The following FMN1 variants were observed in gnomAD, a reference collection of about 807,000 sequenced individuals.
FMN1 encodes formin-1.
FMN1 carries 110 observed loss-of-function variants against 132.4 expected under a neutral mutation model. That is an observed-to-expected ratio of 0.83 (90% CI 0.71 to 0.97). The LOEUF (loss-of-function observed/expected upper bound fraction) is 0.97. FMN1 is among the 50% of genes least tolerant of loss of function. The pLI is 0.00. For synonymous variants in FMN1, 722 were observed against 651.7 expected, an observed-to-expected ratio of 1.11 and a Z score of -1.64; for missense variants, 1,792 against 1,705.3, an observed-to-expected ratio of 1.05 and a Z score of -0.90.
At chr15:33,189,915 C>G (rs1966016482) in intron 2 of FMN1, among the ~76,000 whole-genome samples, 1 of 152,178 alleles carries the variant, frequency 6.6e-6, no homozygotes. Context: ...CATGGACTCC[C>G]TGGTGTAACG....
intron 4 of FMN1, chr15:33,150,817 A>G (rs993084767): frequency 1.0e-6 from 1 of 987,416 alleles, no homozygotes; most frequent in African/African-American, 1.7e-5. Flanking sequence ...TCCACAGACC[A>G]TAAACTTAAT....
intron 6 of FMN1, among the ~76,000 whole-genome samples, chr15:33,039,060 C>T (rs8037589): frequency 0.18 from 28,131 of 152,086 alleles, 2,786 homozygotes; most frequent in Middle Eastern, 0.24. Context: ...CTGAGAAAAA[C>T]TGAATTGGGG....
chr15:32,952,500 C>A (rs2061675714), intron 9 of FMN1, among the ~76,000 whole-genome samples: 1 of 152,152 alleles, frequency 6.6e-6, no homozygotes. Context: ...GCAAACCACA[C>A]CCAAGGTGAA....
chr15:32,773,110 G>A lies in FMN1; in HGVS notation c.*1200C>T, dbSNP rs1258732. The A allele has an allele frequency of 0.19, 29,239 of 152,190 alleles. 3,157 individuals are homozygous for A. The highest frequency in any genetic ancestry group is 0.25 in the Non-Finnish European group (17,045 of 67,996). 9.4% of individuals were successfully genotyped at this position (152,190 alleles called of 1,614,324 possible). Reference sequence around the variant, plus strand: ...GGCTTAAAGACAAAAGTGTCAGAGAGGTCAAAGGTGGTTTCCTTATGTGAC... The same window carrying A: ...GGCTTAAAGACAAAAGTGTCAGAGAAGTCAAAGGTGGTTTCCTTATGTGAC... On this transcript the variant is annotated 3_prime_UTR_variant, in exon 21 of 21. Coordinates refer to ENST00000616417, the MANE Select transcript of FMN1 (RefSeq NM_001277313.2).
intron 5 of FMN1, among the ~76,000 whole-genome samples, chr15:33,073,732 G>T (rs78677188): frequency 5.9e-4 from 65 of 109,864 alleles, no homozygotes; most frequent in East Asian, 2.8e-3. Flanking sequence ...TACCTAGCTT[G>T]TTTTTTTTTT....
rs146742347 is a variant in FMN1, at chr15:32,803,574, C to T, written c.3980+707G>A. 3.8e-3 allele frequency among the ~76,000 whole-genome samples: 584 copies of T among 152,206 alleles called. 1 individual carries two copies. Among genetic ancestry groups the T allele is most frequent in the Middle Eastern group, 0.02 (6 of 294 alleles). On this transcript the variant is annotated intron_variant, in intron 18 of 20. Coordinates refer to ENST00000616417, the MANE Select transcript of FMN1 (RefSeq NM_001277313.2). ...CAACTTCTGGGGGAAATTGTCCATA[C>T]GCTGTATGGGCATATGGACAGCCCC...
Position 32,959,818 on chromosome 15 carries a change from G to C in FMN1, c.3138+4289C>G, listed in dbSNP as rs546480585. On this transcript the variant is annotated intron_variant, in intron 9 of 20. Coordinates refer to ENST00000616417, the MANE Select transcript of FMN1 (RefSeq NM_001277313.2). ...CCAAAACAGAAGTGAATAGTTCTAT[G>C]AGTAAACAACATGTTTTCAAGCATC... Among the ~76,000 whole-genome samples, 11 of 152,292 alleles carry C rather than the reference G, an allele frequency of 7.2e-5. No homozygotes were observed. The South Asian group carries it at 2.3e-3, about 32-fold the overall frequency.
intron 5 of FMN1, among the ~76,000 whole-genome samples, chr15:33,068,637 T>C (rs962158502): frequency 6.6e-6 from 1 of 152,022 alleles, no homozygotes; most frequent in South Asian, 2.1e-4. Flanking sequence ...AAGCTTTTTT[T>C]AAGTGCTTTC....
intron 6 of FMN1, among the ~76,000 whole-genome samples, chr15:33,052,737 T>C (rs1237563934): frequency 6.6e-6 from 1 of 152,246 alleles, no homozygotes; most frequent in Admixed American, 6.5e-5. Context: ...AGTTAAATCC[T>C]TGGACCAGAC....
chr15:32,965,223 C>A (rs954627036), intron 8 of FMN1, among the ~76,000 whole-genome samples: 2 of 151,970 alleles, frequency 1.3e-5, no homozygotes, highest in Non-Finnish European at 2.9e-5. Context: ...CATGGTGAAA[C>A]CCCATCTCTA....
chr15:32,966,625 T>C (rs2031259022), intron 8 of FMN1, among the ~76,000 whole-genome samples: 1 of 151,930 alleles, frequency 6.6e-6, no homozygotes, highest in Non-Finnish European at 1.5e-5. Flanking sequence ...AGGCAAAACG[T>C]CAAAAGAAAA....
intron 9 of FMN1, among the ~76,000 whole-genome samples, chr15:32,944,896 G>T (rs2061476706): frequency 6.6e-6 from 1 of 152,068 alleles, no homozygotes; most frequent in Non-Finnish European, 1.5e-5. Flanking sequence ...AGTCTTGCGG[G>T]AAGAAAAGAC....
rs199751112 is a variant in FMN1 at position 32,949,964 on chromosome 15, T to TAC, written c.3138+14141_3138+14142dup. On this transcript the variant is annotated intron_variant, in intron 9 of 20. Coordinates refer to ENST00000616417, the MANE Select transcript of FMN1 (RefSeq NM_001277313.2). ...GCATATATATATATATATATATATA[T>TAC]ACACACATATATATACACACACATA... is the stretch of plus-strand genomic sequence containing the variant. 3.3e-4 allele frequency among the ~76,000 whole-genome samples: 11 copies of TAC among 33,610 alleles called. 1 individual carries two copies. The highest frequency in any genetic ancestry group is 1.8e-3 in the South Asian group (2 of 1,126). 22.0% of individuals were successfully genotyped at this position (33,610 alleles called of 152,430 possible).
At chr15:33,005,032 A>C (rs1359202105) in intron 7 of FMN1, among the ~76,000 whole-genome samples, 1 of 152,010 alleles carries the variant, frequency 6.6e-6, no homozygotes, top group Admixed American at 6.6e-5. Flanking sequence ...CACACCAGGG[A>C]CTGTTGTGGG....
intron 6 of FMN1, among the ~76,000 whole-genome samples, chr15:33,020,354 A>G (rs560161653): frequency 1.3e-5 from 2 of 150,796 alleles, no homozygotes; most frequent in East Asian, 2.0e-4. Flanking sequence ...TTCGGTCACT[A>G]TAAGACTATG....
At chr15:32,829,154 T>A (rs1316691809) in intron 17 of FMN1, among the ~76,000 whole-genome samples, 2 of 152,200 alleles carry the variant, frequency 1.3e-5, no homozygotes, top group African/African-American at 4.8e-5. Flanking sequence ...AAAATTTCCT[T>A]CTCTGCTTTC....
At chr15:32,783,370 C>T (rs2056733826) in intron 19 of FMN1, among the ~76,000 whole-genome samples, 1 of 152,124 alleles carries the variant, frequency 6.6e-6, no homozygotes, top group Admixed American at 6.5e-5. Flanking sequence ...CTGCCAAAGA[C>T]TACTGAGGAA....
At chr15:33,105,200 T>C (rs1359527957) in intron 4 of FMN1, among the ~76,000 whole-genome samples, 1 of 152,112 alleles carries the variant, frequency 6.6e-6, no homozygotes, top group Non-Finnish European at 1.5e-5. Context: ...GTTTCATTAC[T>C]AAATGGAGCT....
chr15:33,119,456 C>G (rs1055612581), intron 4 of FMN1, among the ~76,000 whole-genome samples: 1 of 152,228 alleles, frequency 6.6e-6, no homozygotes, highest in East Asian at 1.9e-4. Flanking sequence ...GCAAGAGCAA[C>G]TGCTACAGTG....
Sources: allele counts gnomAD v4.1 joint callset (sites outside exome capture counted in the v4.1 genomes callset), GRCh38; gene constraint gnomAD v4.1.1; transcripts MANE v1.5; gene names NCBI Gene and HGNC (gene_info 2026-07-23, HGNC 2026-07-21).